SDK1: variants seen among roughly 807,000 people sequenced by gnomAD.
SDK1 encodes the protein protein sidekick-1.
In SDK1, 157 loss-of-function variants were observed where a neutral mutation model predicts 245.5. That is an observed-to-expected ratio of 0.64 (90% CI 0.56 to 0.73). The LOEUF (loss-of-function observed/expected upper bound fraction) is 0.73. Ranked by LOEUF, SDK1 falls within the 30% of genes least tolerant of loss-of-function variation. The pLI is 0.00. For missense variants in SDK1, 3,583 were observed against 3,002.3 expected (o/e 1.19, Z -4.52); for synonymous variants, 1,647 against 1,278.5 (o/e 1.29, Z -6.15).
chr7:3,624,994 A>G (rs982457020), intron 2 of SDK1, among the ~76,000 whole-genome samples: 3 of 152,150 alleles, frequency 2.0e-5, no homozygotes, highest in Admixed American at 6.5e-5. Flanking sequence ...AGCCAAGATC[A>G]TGCCATTGCA....
chr7:3,748,430 T>C (rs1779686578), intron 4 of SDK1, among the ~76,000 whole-genome samples: 1 of 152,248 alleles, frequency 6.6e-6, no homozygotes, highest in South Asian at 2.1e-4. Flanking sequence ...AACGGGCTTA[T>C]GGAATAATAC....
At chr7:3,843,877 G>A (rs988586125) in intron 5 of SDK1, among the ~76,000 whole-genome samples, 1 of 152,174 alleles carries the variant, frequency 6.6e-6, no homozygotes. Context: ...ATATGAAGAT[G>A]TATATGAAGG....
intron 1 of SDK1, among the ~76,000 whole-genome samples, chr7:3,325,516 T>C (rs1779919626): frequency 6.6e-6 from 1 of 152,154 alleles, no homozygotes; most frequent in Non-Finnish European, 1.5e-5. Flanking sequence ...AATAAGCATG[T>C]GAAGAAGCTC....
intron 13 of SDK1, 37 bp downstream of exon 13, chr7:3,974,582 G>T: frequency 6.3e-7 from 1 of 1,592,598 alleles, no homozygotes. Context: ...CCAGTCCGCG[G>T]TTTTCTCCGT....
intron 35 of SDK1, among the ~76,000 whole-genome samples, chr7:4,203,814 T>C (rs1584437028): frequency 6.6e-6 from 1 of 152,376 alleles, no homozygotes; most frequent in East Asian, 1.9e-4. Context: ...TCTTCCCTGC[T>C]GGTGTCAACA....
At chr7:4,228,108 A>T (rs1185350296) in intron 40 of SDK1, among the ~76,000 whole-genome samples, 2 of 152,234 alleles carry the variant, frequency 1.3e-5, no homozygotes, top group Non-Finnish European at 2.9e-5. Flanking sequence ...TGGGAAGCTG[A>T]ACTGGCTCTT....
At chr7:4,220,316 C>G in intron 39 of SDK1, 46 bp downstream of exon 39, 1 of 1,576,248 alleles carries the variant, frequency 6.3e-7, no homozygotes. Flanking sequence ...CAACTTTAGC[C>G]TCCCGCCTCC....
At chr7:4,230,259 G>GTGGGTGGATGAATGGATGAATGGA (rs796480412) in intron 40 of SDK1, among the ~76,000 whole-genome samples, 70 of 151,186 alleles carry the variant, frequency 4.6e-4, no homozygotes, top group African/African-American at 1.6e-3. Flanking sequence ...GGATGGGTGA[G>GTGGGTGGATGAATGGATGAATGGA]TGGGTGGATG....
At chr7:3,592,030 T>C (rs1337110824) in intron 1 of SDK1, among the ~76,000 whole-genome samples, 2 of 152,200 alleles carry the variant, frequency 1.3e-5, no homozygotes, top group African/African-American at 4.8e-5. Flanking sequence ...TTACCATTTG[T>C]GGAAATTACA....
At chr7:4,024,530 A>G (rs1787178961) in intron 17 of SDK1, among the ~76,000 whole-genome samples, 1 of 152,238 alleles carries the variant, frequency 6.6e-6, no homozygotes, top group Non-Finnish European at 1.5e-5. Flanking sequence ...TTTAGAACCT[A>G]CAGGAAGACA....
chr7:3,528,213 G>C (rs1188342030), intron 1 of SDK1, among the ~76,000 whole-genome samples: 1 of 145,428 alleles, frequency 6.9e-6, no homozygotes, highest in Middle Eastern at 3.7e-3. Flanking sequence ...AGTTAGCTAG[G>C]GGGTGGGTGG....
At chr7:3,477,939 A>G (rs1187541279) in intron 1 of SDK1, among the ~76,000 whole-genome samples, 1 of 152,054 alleles carries the variant, frequency 6.6e-6, no homozygotes, top group Non-Finnish European at 1.5e-5. Context: ...GTTTTGTCCT[A>G]TGGTGTGTGT....
chr7:3,986,510 C>T (rs1461519786), intron 13 of SDK1, among the ~76,000 whole-genome samples: 2 of 152,234 alleles, frequency 1.3e-5, no homozygotes, highest in African/African-American at 2.4e-5. Flanking sequence ...GTGGCATTTC[C>T]ATGACCAGCT....
At chr7:4,260,674 C>T (rs892265305) in intron 44 of SDK1, among the ~76,000 whole-genome samples, 5 of 149,204 alleles carry the variant, frequency 3.4e-5, no homozygotes, top group East Asian at 2.0e-4. Context: ...ATGTGTTCAT[C>T]GTCACCTGAT....
chr7:3,629,075 G>A (rs1339566233), intron 2 of SDK1, among the ~76,000 whole-genome samples: 2 of 151,636 alleles, frequency 1.3e-5, no homozygotes, highest in Non-Finnish European at 2.9e-5. Context: ...GGCAGATCAC[G>A]AGGTCAGGTG....
intron 1 of SDK1, among the ~76,000 whole-genome samples, chr7:3,417,724 A>G (rs1779413839): frequency 6.6e-6 from 1 of 152,152 alleles, no homozygotes; most frequent in Admixed American, 6.5e-5. Flanking sequence ...TGTTTAGTGC[A>G]GAGCTGGGCA....
intron 1 of SDK1, among the ~76,000 whole-genome samples, chr7:3,601,166 T>C (rs1437370666): frequency 2.6e-5 from 4 of 152,162 alleles, no homozygotes; most frequent in Non-Finnish European, 5.9e-5. Flanking sequence ...TTATGAGAGA[T>C]ACTGGTCTAT....
chr7:3,622,594 T>A (rs1310272421), intron 2 of SDK1, among the ~76,000 whole-genome samples: 2 of 152,188 alleles, frequency 1.3e-5, no homozygotes, highest in Non-Finnish European at 2.9e-5. Flanking sequence ...GCAGTCAACT[T>A]AAAACTGCAG....
At chr7:3,976,031 CTGGGGGTCCCGGGGCTGAGGCTGCCACGT>C (rs1484410956) in intron 13 of SDK1, among the ~76,000 whole-genome samples, 1 of 1,532 alleles carries the variant, frequency 6.5e-4, no homozygotes, top group African/African-American at 2.9e-3. Context: ...CAGAGAATCA[CTGGGGGTCCCGGGGCTGAGGCTGCCACGT>C]AGAGGGTCCT....
Sources: allele counts gnomAD v4.1 joint callset (sites outside exome capture counted in the v4.1 genomes callset), GRCh38; gene constraint gnomAD v4.1.1; transcripts MANE v1.5; gene names NCBI Gene and HGNC (gene_info 2026-07-23, HGNC 2026-07-21).